TBC1D5: variants seen among roughly 807,000 people sequenced by gnomAD.
TBC1D5 encodes the protein TBC1 domain family, member 5.
A neutral mutation model predicts 100.3 loss-of-function variants in TBC1D5; 75 were observed. That is an observed-to-expected ratio of 0.75 (90% CI 0.62 to 0.91). The LOEUF is 0.91. TBC1D5 is among the 40% of genes least tolerant of loss of function. TBC1D5 has a pLI of 0.00. For synonymous variants in TBC1D5, 323 were observed against 325.6 expected (o/e 0.99, Z 0.09); for missense variants, 910 against 942.4 (o/e 0.97, Z 0.45).
At chr3:17,445,834 A>G (rs2094778921) in intron 3 of TBC1D5, among the ~76,000 whole-genome samples, 1 of 152,192 alleles carries the variant, frequency 6.6e-6, no homozygotes, top group African/African-American at 2.4e-5. Context: ...CAAGTCTTGG[A>G]CCATATTCGC....
chr3:17,698,077 A>G (rs1464033421), intron 1 of TBC1D5, among the ~76,000 whole-genome samples: 3 of 151,642 alleles, frequency 2.0e-5, no homozygotes, highest in Non-Finnish European at 2.9e-5. Context: ...AAGAGCCCAC[A>G]TTGCCAAGTC....
intron 21 of TBC1D5, 133 bp downstream of exon 22, chr3:17,166,634 C>G (rs1038509628): frequency 8.0e-7 from 1 of 1,255,532 alleles, no homozygotes; most frequent in South Asian, 1.6e-5. Flanking sequence ...CAGCTGTACA[C>G]AGCACCTCCG....
chr3:17,321,875 C>G (rs1183101437), intron 13 of TBC1D5, among the ~76,000 whole-genome samples: 2 of 152,192 alleles, frequency 1.3e-5, no homozygotes, highest in Non-Finnish European at 2.9e-5. Context: ...AGTAATTTCA[C>G]TCTGTTTACA....
intron 7 of TBC1D5, among the ~76,000 whole-genome samples, chr3:17,404,062 T>A (rs1258334666): frequency 6.6e-6 from 1 of 152,132 alleles, no homozygotes; most frequent in Non-Finnish European, 1.5e-5. Context: ...AAAAATTACT[T>A]AATATTTTAT....
upstream of TBC1D5, chr3:17,742,464 T>G (rs1179887580): frequency 2.0e-5 from 3 of 152,762 alleles, no homozygotes; most frequent in Non-Finnish European, 4.4e-5. Context: ...ACGATCATCA[T>G]CATTATTTTA....
At chr3:17,699,169 T>G (rs1489268997) in intron 1 of TBC1D5, among the ~76,000 whole-genome samples, 4 of 125,616 alleles carry the variant, frequency 3.2e-5, no homozygotes, top group African/African-American at 1.2e-4. Context: ...ATAGACTGGA[T>G]TAAGAAAATG....
intron 19 of TBC1D5, among the ~76,000 whole-genome samples, chr3:17,183,993 A>T (rs2068733476): frequency 6.6e-6 from 1 of 152,206 alleles, no homozygotes; most frequent in African/African-American, 2.4e-5. Flanking sequence ...ACATGTCTTA[A>T]TTTCCTAATT....
chr3:17,503,928 T>C (rs2095813731), intron 3 of TBC1D5, among the ~76,000 whole-genome samples: 1 of 149,620 alleles, frequency 6.7e-6, no homozygotes, highest in African/African-American at 2.5e-5. Context: ...ATGCAAATTC[T>C]GAGATGGGTC....
intron 2 of TBC1D5, among the ~76,000 whole-genome samples, chr3:17,538,100 G>C (rs990926199): frequency 2.0e-5 from 3 of 152,154 alleles, no homozygotes; most frequent in South Asian, 2.1e-4. Flanking sequence ...TAGGTAGTTA[G>C]GCAGATATGG....
intron 19 of TBC1D5, among the ~76,000 whole-genome samples, chr3:17,170,751 C>G (rs1030169573): frequency 6.6e-6 from 1 of 152,116 alleles, no homozygotes; most frequent in African/African-American, 2.4e-5. Flanking sequence ...AGAAGGCACT[C>G]AGAAACTCTT....
At chr3:17,669,503 A>G (rs2067681099) in intron 1 of TBC1D5, among the ~76,000 whole-genome samples, 1 of 152,220 alleles carries the variant, frequency 6.6e-6, no homozygotes, top group Non-Finnish European at 1.5e-5. Context: ...AAACCTAATT[A>G]ACTAAGATTT....
intron 2 of TBC1D5, among the ~76,000 whole-genome samples, chr3:17,617,822 T>C (rs563808446): frequency 1.3e-5 from 2 of 152,320 alleles, no homozygotes; most frequent in South Asian, 4.1e-4. Flanking sequence ...GGTTTTTAGC[T>C]TCCTTGCGAT....
chr3:17,464,279 A>G (rs943741820), intron 3 of TBC1D5, among the ~76,000 whole-genome samples: 1 of 152,212 alleles, frequency 6.6e-6, no homozygotes, highest in South Asian at 2.1e-4. Flanking sequence ...TCTTAATCAG[A>G]TAAGAGTTGC....
intron 1 of TBC1D5, among the ~76,000 whole-genome samples, chr3:17,705,492 G>A (rs538412996): frequency 4.7e-5 from 7 of 149,792 alleles, no homozygotes; most frequent in African/African-American, 1.2e-4. Flanking sequence ...CTTCTCAGAC[G>A]GGGTGGTTGC....
intron 3 of TBC1D5, among the ~76,000 whole-genome samples, chr3:17,451,937 T>C (rs925321376): frequency 6.6e-6 from 1 of 151,794 alleles, no homozygotes; most frequent in Non-Finnish European, 1.5e-5. Flanking sequence ...GAAAAAAAAT[T>C]ACAAGAAGGT....
intron 17 of TBC1D5, among the ~76,000 whole-genome samples, chr3:17,221,564 A>G (rs2074292494): frequency 6.6e-6 from 1 of 152,136 alleles, no homozygotes; most frequent in Non-Finnish European, 1.5e-5. Flanking sequence ...GAGTTCAAAC[A>G]TGAGAAGGGC....
chr3:17,164,087 C>T (rs2066354410), intron 21 of TBC1D5, among the ~76,000 whole-genome samples: 1 of 152,150 alleles, frequency 6.6e-6, no homozygotes, highest in Admixed American at 6.5e-5. Flanking sequence ...TCTTCTCACT[C>T]TATAGAATAC....
intron 1 of TBC1D5, among the ~76,000 whole-genome samples, chr3:17,688,197 A>G (rs918689267): frequency 6.6e-6 from 1 of 152,084 alleles, no homozygotes; most frequent in African/African-American, 2.4e-5. Flanking sequence ...AACCCATTTC[A>G]TATCAATATA....
exon 18 of TBC1D5, chr3:17,214,337 C>A (rs1221187487): frequency 6.2e-7 from 1 of 1,613,064 alleles, no homozygotes; most frequent in Non-Finnish European, 8.5e-7. Context: ...ACTCTCAACG[C>A]TTGGAGATGA....
Sources: allele counts gnomAD v4.1 joint callset (sites outside exome capture counted in the v4.1 genomes callset), GRCh38; gene constraint gnomAD v4.1.1; transcripts MANE v1.5; gene names NCBI Gene and HGNC (gene_info 2026-07-23, HGNC 2026-07-21).